PRKD3: variants seen among roughly 807,000 people sequenced by gnomAD.
PRKD3 encodes serine/threonine-protein kinase D3.
A neutral mutation model predicts 99.2 loss-of-function variants in PRKD3; 47 were observed. The observed-to-expected ratio is 0.47, with a 90% CI of 0.38 to 0.60. PRKD3 has a LOEUF of 0.60. Ranked by LOEUF, PRKD3 falls within the 20% of genes least tolerant of loss-of-function variation. The probability of loss-of-function intolerance (pLI) is 0.00; values close to 1 mark genes in which losing one functional copy is unlikely to be tolerated. For missense variants in PRKD3, 1,019 were observed against 1,088.4 expected (o/e 0.94, Z 0.90); for synonymous variants, 392 against 355.4 (o/e 1.10, Z -1.16).
At chr2:37,280,231 G>C (rs1669793369) in intron 7 of PRKD3, among the ~76,000 whole-genome samples, 2 of 152,130 alleles carry the variant, frequency 1.3e-5, no homozygotes, top group South Asian at 4.1e-4. Context: ...CTTTAGTAGA[G>C]ATGGGGTTTC....
chr2:37,254,787 G>C (rs548315308), intron 17 of PRKD3, among the ~76,000 whole-genome samples: 8 of 152,200 alleles, frequency 5.3e-5, no homozygotes, highest in African/African-American at 1.9e-4. Context: ...GGTCTGGAAA[G>C]GCACTGCCTT....
intron 2 of PRKD3, among the ~76,000 whole-genome samples, chr2:37,305,617 T>C (rs1384516618): frequency 6.6e-6 from 1 of 152,244 alleles, no homozygotes; most frequent in African/African-American, 2.4e-5. Flanking sequence ...CTCAAAACTC[T>C]TAAAACAAGT....
At chr2:37,311,779 T>C (rs1280420872) in intron 2 of PRKD3, among the ~76,000 whole-genome samples, 1 of 152,184 alleles carries the variant, frequency 6.6e-6, no homozygotes, top group African/African-American at 2.4e-5. Flanking sequence ...GCTTATCAAA[T>C]TTCCATTAGA....
chr2:37,319,967 C>G (rs567450012), intron 1 of PRKD3, among the ~76,000 whole-genome samples: 6 of 152,102 alleles, frequency 3.9e-5, no homozygotes, highest in Non-Finnish European at 8.8e-5. Context: ...GATTGAGCTA[C>G]GGGGTACAAA....
In PRKD3 at chr2:37,262,016, C is replaced by T. The variant is rs1406493129; in HGVS notation, c.1885-1632G>A. 2.0e-5 allele frequency among the ~76,000 whole-genome samples: 3 copies of T among 152,160 alleles called. No homozygotes were observed. The East Asian group carries it at 5.8e-4, about 29-fold the overall frequency. On this transcript the variant is annotated intron_variant, in intron 14 of 18. Transcript: ENST00000234179. ...CCCAACTGTAGGCTAATGTAAGCGA[C>T]TGTGCTTAAGGTAGGCTACACGGGG...
At position 37,267,612 on chromosome 2, in the gene PRKD3, T is replaced by C. The variant is rs542564244; in HGVS notation, c.1778-76A>G. 9.7e-5 allele frequency: 101 copies of C among 1,042,908 alleles called. No individual in the cohort carries two copies. The African/African-American group carries it at 1.5e-3, about 16-fold the overall frequency. 64.6% of individuals were successfully genotyped at this position (1,042,908 alleles called of 1,614,324 possible). A position where few individuals can be genotyped will look rare whatever the true frequency, so the allele number is the denominator to read the frequency against. ...TAGGGAGTTGTCCACAGACTGAAATTTATATGTATTTACTCTTGAATTTTC... is the reference window on the plus strand; with the variant it reads ...TAGGGAGTTGTCCACAGACTGAAATCTATATGTATTTACTCTTGAATTTTC... On this transcript the variant is annotated intron_variant, in intron 13 of 18. Transcript: ENST00000234179.
At chr2:37,292,319 A>G (rs1388646743) in intron 3 of PRKD3, among the ~76,000 whole-genome samples, 1 of 151,338 alleles carries the variant, frequency 6.6e-6, no homozygotes, top group Non-Finnish European at 1.5e-5. Flanking sequence ...CATTCAAGTA[A>G]TTCAGTTTAT....
At chr2:37,308,949 CTCTT>C (rs1325797472) in intron 2 of PRKD3, among the ~76,000 whole-genome samples, 2 of 151,618 alleles carry the variant, frequency 1.3e-5, no homozygotes, top group African/African-American at 4.8e-5. Context: ...GGTTTTTCTT[CTCTT>C]TCTCTCTTAT....
intron 2 of PRKD3, among the ~76,000 whole-genome samples, chr2:37,315,550 G>T (rs1671621055): frequency 6.6e-6 from 1 of 152,174 alleles, no homozygotes. Context: ...AACAAGGTAT[G>T]GAGATGGGAC....
rs751503116 is a variant in PRKD3, at chr2:37,279,781, A to G, written c.1137T>C (p.Asp379=). The G allele has an allele frequency of 3.7e-6, 6 of 1,613,644 alleles. No individual in the cohort carries two copies. Among genetic ancestry groups the G allele is most frequent in the Non-Finnish European group, 5.1e-6 (6 of 1,179,876 alleles). ...TAACGGCTTCTTCATCTCTTTCCAC[A>G]TCGAGATCAGATGGATCCAAGAAGA... is the stretch of plus-strand genomic sequence containing the variant. ...KMFFLDPSDL[D]VERDEEAVKT... Residue 379 remains aspartate, a synonymous_variant, in exon 8 of 19, where the codon GAT becomes GAC. Coordinates refer to ENST00000234179, the MANE Select transcript of PRKD3 (RefSeq NM_005813.6).
chr2:37,316,407 G>C lies in PRKD3; in HGVS notation c.118C>G (p.Leu40Val), dbSNP rs991283151. 1 of 1,614,220 alleles carries C rather than the reference G, an allele frequency of 6.2e-7. No individual in the cohort carries two copies. The highest frequency in any genetic ancestry group is 1.3e-5 in the African/African-American group (1 of 75,068). The change falls in exon 2 of 19, where the codon CTC becomes GTC. Residue 40 changes from leucine to valine, a missense_variant. Physicochemically the swap from Leu to Val is conservative, Grantham distance 32. Transcript: ENST00000234179. ...GGTGCACTGAAGCTTCCATTAGAGA[G>C]TCGGGCAGAGAGTCCCGTCTTAGGA... is the stretch of plus-strand genomic sequence containing the variant. ...SSPKTGLSAR[L>V]SNGSFSAPSL...
At chr2:37,305,001 G>A (rs994832547) in intron 2 of PRKD3, among the ~76,000 whole-genome samples, 15 of 152,100 alleles carry the variant, frequency 9.9e-5, no homozygotes, top group African/African-American at 3.1e-4. Flanking sequence ...GATTAGTAAT[G>A]GCTGCCTGAC....
intron 8 of PRKD3, chr2:37,279,138 G>A (rs1669717567): frequency 1.3e-5 from 2 of 152,054 alleles, no homozygotes; most frequent in Admixed American, 1.3e-4. Flanking sequence ...TGTTTCCAAT[G>A]AAAAACAAAA....
intron 6 of PRKD3, among the ~76,000 whole-genome samples, chr2:37,285,071 T>C (rs753432321): frequency 6.6e-6 from 1 of 152,214 alleles, no homozygotes; most frequent in Non-Finnish European, 1.5e-5. Context: ...GATAATTCAA[T>C]TCCACAAATA....
At chr2:37,299,554 AC>A (rs1670824859) in intron 2 of PRKD3, among the ~76,000 whole-genome samples, 1 of 146,902 alleles carries the variant, frequency 6.8e-6, no homozygotes, top group Non-Finnish European at 1.5e-5. Context: ...ACACACACAC[AC>A]ACACAAGCTT....
At chr2:37,319,727 T>C (rs1671798231) in intron 1 of PRKD3, among the ~76,000 whole-genome samples, 1 of 150,992 alleles carries the variant, frequency 6.6e-6, no homozygotes, top group Non-Finnish European at 1.5e-5. Context: ...TTTATATCTA[T>C]GGTCAACATT....
At chr2:37,324,360 G>T in intron 1 of PRKD3, 1 of 343,524 alleles carries the variant, frequency 2.9e-6, no homozygotes, top group Non-Finnish European at 4.1e-6. Flanking sequence ...AGCGGAGCGC[G>T]AACCCAAGTT....
rs959984197 is a variant in PRKD3 at position 37,316,936 on chromosome 2, G to A, written c.-412C>T. ...TTTCTGTCAAGGTGAAATCCTCTTCGTTTAAAAAACAGTAAGTGTTTTGGA... is the reference window on the plus strand; with the variant it reads ...TTTCTGTCAAGGTGAAATCCTCTTCATTTAAAAAACAGTAAGTGTTTTGGA... On this transcript the variant is annotated 5_prime_UTR_variant, in exon 2 of 19. It adds an upstream start codon to the 5' untranslated region. Transcript: ENST00000234179. The A allele has an allele frequency of 5.0e-6, 5 of 998,710 alleles. No homozygotes were observed. The highest frequency in any genetic ancestry group is 6.0e-6 in the Non-Finnish European group (5 of 838,538). The allele number at this position is 998,710 out of a possible 1,614,324, so 61.9% of individuals were successfully genotyped here. A position where few individuals can be genotyped will look rare whatever the true frequency, so the allele number is the denominator to read the frequency against.
intron 5 of PRKD3, among the ~76,000 whole-genome samples, chr2:37,287,235 A>G (rs867697100): frequency 2.0e-3 from 17 of 8,568 alleles, no homozygotes; most frequent in Non-Finnish European, 3.0e-3. Context: ...CATCTCAAAA[A>G]AAAAAAAAAA....
Sources: gnomAD v4.1 joint callset for allele counts (sites outside exome capture counted in the v4.1 genomes callset) on GRCh38, gnomAD v4.1.1 for gene constraint, MANE v1.5 for transcripts, NCBI Gene and HGNC (gene_info 2026-07-23, HGNC 2026-07-21) for gene names.